Variants in DLGAP2 observed in about 807,000 individuals in gnomAD.
DLGAP2 encodes the protein disks large-associated protein 2.
DLGAP2 carries 26 observed loss-of-function variants against 100.3 expected under a neutral mutation model. That is an observed-to-expected ratio of 0.26 (90% CI 0.19 to 0.36). The LOEUF is 0.36. Among genes scored for constraint, DLGAP2 ranks in the 10% least tolerant of loss-of-function variants. The probability of loss-of-function intolerance (pLI) is 1.00; values close to 1 mark genes in which losing one functional copy is unlikely to be tolerated. For synonymous variants in DLGAP2, 886 were observed against 630.1 expected (o/e 1.41, Z -6.08); for missense variants, 1,858 against 1,453.2 (o/e 1.28, Z -4.53).
chr8:1,648,322 A>G (rs1235679690), intron 8 of DLGAP2, among the ~76,000 whole-genome samples: 1 of 152,234 alleles, frequency 6.6e-6, no homozygotes, highest in African/African-American at 2.4e-5. Flanking sequence ...GCACCCATGC[A>G]TCCTTATCAG....
At chr8:788,208 C>A (rs946002728) in intron 1 of DLGAP2, among the ~76,000 whole-genome samples, 8 of 152,240 alleles carry the variant, frequency 5.3e-5, no homozygotes, top group Admixed American at 2.6e-4. Context: ...TGAATCTGAT[C>A]CTGTATTTTC....
Position 1,281,471 on chromosome 8 carries a change from C to A in DLGAP2, c.106+22588C>A, listed in dbSNP as rs1799812335. On this transcript the variant is annotated intron_variant, in intron 3 of 14. Coordinates refer to ENST00000637795, the MANE Select transcript of DLGAP2 (RefSeq NM_001346810.2). ...CTGCGCCTCCCCAGCCCTTCTGTCC[C>A]CTGGGCACAGGCTGAACACACATCA... 3.3e-5 allele frequency among the ~76,000 whole-genome samples: 5 copies of A among 152,180 alleles called. No homozygotes were observed. The South Asian group carries it at 6.2e-4, about 19-fold the overall frequency.
At chr8:852,778 T>C (rs1797206061) in intron 1 of DLGAP2, among the ~76,000 whole-genome samples, 1 of 152,194 alleles carries the variant, frequency 6.6e-6, no homozygotes, top group African/African-American at 2.4e-5. Context: ...CCTTGGGAAA[T>C]CTAAGTAGCA....
At chr8:790,786 C>A (rs1460656813) in intron 1 of DLGAP2, among the ~76,000 whole-genome samples, 1 of 152,038 alleles carries the variant, frequency 6.6e-6, no homozygotes, top group Non-Finnish European at 1.5e-5. Context: ...CTTTCTGTTG[C>A]CCAGGCTGGA....
intron 8 of DLGAP2, among the ~76,000 whole-genome samples, chr8:1,656,972 T>G (rs1419684871): frequency 6.6e-6 from 1 of 152,168 alleles, no homozygotes; most frequent in Non-Finnish European, 1.5e-5. Context: ...TTCATCTATT[T>G]CCCTGTAATT....
At chr8:1,028,090 C>T (rs1333933353) in intron 2 of DLGAP2, among the ~76,000 whole-genome samples, 1 of 140,322 alleles carries the variant, frequency 7.1e-6, no homozygotes, top group Non-Finnish European at 1.5e-5. Flanking sequence ...CGTTATTCTC[C>T]AGGTGGGGTG....
At chr8:1,569,677 T>C (rs1448153350) in intron 6 of DLGAP2, among the ~76,000 whole-genome samples, 2 of 152,204 alleles carry the variant, frequency 1.3e-5, no homozygotes, top group Non-Finnish European at 2.9e-5. Context: ...ATGATGCCTG[T>C]TTTATGGACA....
chr8:1,387,535 A>C (rs980211843), intron 3 of DLGAP2, among the ~76,000 whole-genome samples: 1 of 152,170 alleles, frequency 6.6e-6, no homozygotes, highest in Admixed American at 6.6e-5. Flanking sequence ...TCGTGGTTGC[A>C]CGGCAGTGAG....
chr8:1,198,886 A>T (rs1797810305), intron 2 of DLGAP2, among the ~76,000 whole-genome samples: 1 of 152,228 alleles, frequency 6.6e-6, no homozygotes, highest in African/African-American at 2.4e-5. Flanking sequence ...CTGCCTATGC[A>T]GGTGCACAGG....
intron 2 of DLGAP2, among the ~76,000 whole-genome samples, chr8:1,119,513 C>G (rs1795986099): frequency 2.0e-5 from 3 of 152,212 alleles, no homozygotes; most frequent in Non-Finnish European, 2.9e-5. Context: ...TTCAGCCCTG[C>G]TGCTCTTCTT....
At chr8:1,210,828 G>T (rs2116785280) in intron 2 of DLGAP2, among the ~76,000 whole-genome samples, 1 of 152,118 alleles carries the variant, frequency 6.6e-6, no homozygotes, top group African/African-American at 2.4e-5. Context: ...TCCCATGTGG[G>T]ACACTTTGTA....
intron 2 of DLGAP2, among the ~76,000 whole-genome samples, chr8:1,117,987 T>A (rs148875010): frequency 5.9e-4 from 90 of 152,322 alleles, no homozygotes; most frequent in African/African-American, 2.0e-3. Flanking sequence ...ATAGTTCCAA[T>A]GAAATTATAA....
chr8:1,162,800 A>G (rs1796916999), intron 2 of DLGAP2, among the ~76,000 whole-genome samples: 1 of 152,220 alleles, frequency 6.6e-6, no homozygotes, highest in Admixed American at 6.5e-5. Flanking sequence ...TGTGGCCGCC[A>G]AACGGCCCAG....
At chr8:863,033 C>A (rs1236342496) in intron 1 of DLGAP2, among the ~76,000 whole-genome samples, 2 of 152,200 alleles carry the variant, frequency 1.3e-5, no homozygotes, top group East Asian at 3.8e-4. Context: ...ATTTCAGGGA[C>A]ATGCTGTGAA....
chr8:1,437,437 C>G (rs1234844532), intron 3 of DLGAP2, among the ~76,000 whole-genome samples: 2 of 152,204 alleles, frequency 1.3e-5, no homozygotes, highest in African/African-American at 4.8e-5. Flanking sequence ...TAGAACCCCA[C>G]TGGTTTGTAG....
intron 1 of DLGAP2, among the ~76,000 whole-genome samples, chr8:873,101 C>G (rs147075765): frequency 6.6e-6 from 1 of 152,276 alleles, no homozygotes; most frequent in East Asian, 1.9e-4. Flanking sequence ...TACTTTAAAT[C>G]ATCTCTAGAT....
At chr8:1,596,359 ATGATT>A (rs1796459583) in intron 6 of DLGAP2, among the ~76,000 whole-genome samples, 1 of 152,186 alleles carries the variant, frequency 6.6e-6, no homozygotes, top group Non-Finnish European at 1.5e-5. Flanking sequence ...TTATAGTAGA[ATGATT>A]TGTAATCCTT....
intron 1 of DLGAP2, among the ~76,000 whole-genome samples, chr8:770,059 C>T (rs925367007): frequency 1.1e-4 from 17 of 152,274 alleles, no homozygotes; most frequent in South Asian, 6.2e-4. Context: ...ATGCATGCAT[C>T]GTTTTCCTAC....
chr8:834,557 ATTGTT>A (rs1311141650), intron 1 of DLGAP2, among the ~76,000 whole-genome samples: 4 of 152,196 alleles, frequency 2.6e-5, no homozygotes, highest in Admixed American at 2.0e-4. Context: ...TTAACTTGTG[ATTGTT>A]TTAAGAGTGG....
Sources: gnomAD v4.1 joint callset for allele counts (sites outside exome capture counted in the v4.1 genomes callset) on GRCh38, gnomAD v4.1.1 for gene constraint, MANE v1.5 for transcripts, NCBI Gene and HGNC (gene_info 2026-07-23, HGNC 2026-07-21) for gene names.